Variants in MALRD1 observed in about 807,000 individuals in gnomAD.
MALRD1 encodes MAM and LDL-receptor class A domain-containing protein 1.
A neutral mutation model predicts 242.1 loss-of-function variants in MALRD1; 247 were observed. The observed-to-expected ratio is 1.02, with a 90% CI of 0.92 to 1.13. The LOEUF (loss-of-function observed/expected upper bound fraction) is 1.13. MALRD1 is among the 50% of genes most tolerant of loss of function. MALRD1 has a pLI of 0.00. For synonymous variants in MALRD1, 995 were observed against 866.6 expected, an observed-to-expected ratio of 1.15 and a Z score of -2.60; for missense variants, 2,989 against 2,533.1, an observed-to-expected ratio of 1.18 and a Z score of -3.86.
intron 17 of MALRD1, among the ~76,000 whole-genome samples, chr10:19,208,657 C>G (rs185765486): frequency 6.6e-6 from 1 of 152,180 alleles, no homozygotes; most frequent in African/African-American, 2.4e-5. Context: ...TGGGCTTCAC[C>G]CTATATCTAA....
chr10:19,425,027 A>G (rs1325631402), intron 28 of MALRD1, among the ~76,000 whole-genome samples: 2 of 152,210 alleles, frequency 1.3e-5, no homozygotes, highest in African/African-American at 2.4e-5. Flanking sequence ...CATGGTTGAC[A>G]TGAATTATTT....
At chr10:19,049,947 C>CA (rs1834434964) in intron 1 of MALRD1, among the ~76,000 whole-genome samples, 1 of 152,178 alleles carries the variant, frequency 6.6e-6, no homozygotes, top group Non-Finnish European at 1.5e-5. Flanking sequence ...TTCTTACACA[C>CA]ATTCACCCTT....
chr10:19,504,652 A>G (rs1838118087), intron 31 of MALRD1, among the ~76,000 whole-genome samples: 1 of 146,000 alleles, frequency 6.8e-6, no homozygotes, highest in South Asian at 2.2e-4. Flanking sequence ...TATAATGACT[A>G]TATTGTAACA....
rs560526525 is a variant in MALRD1 at position 19,371,514 on chromosome 10, A to G, written c.4442-16014A>G. On this transcript the variant is annotated intron_variant, in intron 26 of 39. Transcript: ENST00000454679. ...TTTGTTTTTTGTTTTTTTCTTTTTTACTTTTATATCTAGCTGTGGGTATTA... is the reference window on the plus strand; with the variant it reads ...TTTGTTTTTTGTTTTTTTCTTTTTTGCTTTTATATCTAGCTGTGGGTATTA... Among the ~76,000 whole-genome samples, 9 of 151,450 alleles carry G rather than the reference A, an allele frequency of 5.9e-5. No individual in the cohort carries two copies. The South Asian group carries it at 1.9e-3, about 32-fold the overall frequency.
intron 8 of MALRD1, among the ~76,000 whole-genome samples, chr10:19,131,851 C>G (rs991116402): frequency 6.6e-6 from 1 of 152,130 alleles, no homozygotes; most frequent in African/African-American, 2.4e-5. Flanking sequence ...TAGAACATCA[C>G]TTGAAAAGCT....
At chr10:19,235,613 A>AGAGAGAGAGAGC (rs769851042) in intron 18 of MALRD1, among the ~76,000 whole-genome samples, 19 of 143,732 alleles carry the variant, frequency 1.3e-4, no homozygotes, top group South Asian at 2.2e-4. Flanking sequence ...AGAGAGAGAG[A>AGAGAGAGAGAGC]GCGCCTAGGT....
At chr10:19,624,087 T>C (rs1348038879) in intron 36 of MALRD1, among the ~76,000 whole-genome samples, 2 of 152,156 alleles carry the variant, frequency 1.3e-5, no homozygotes, top group African/African-American at 4.8e-5. Context: ...GTAATTCTCA[T>C]GGAGGTGAAT....
chr10:19,048,701 T>C (rs1834400437), upstream of MALRD1: 1 of 327,576 alleles, frequency 3.1e-6, no homozygotes, highest in African/African-American at 2.1e-5. Context: ...TAATCATCTA[T>C]AGTTAGCTAG....
At chr10:19,111,364 G>A (rs572987139) in intron 5 of MALRD1, among the ~76,000 whole-genome samples, 68 of 152,272 alleles carry the variant, frequency 4.5e-4, no homozygotes, top group African/African-American at 1.5e-3. Context: ...ATTTGAGGTG[G>A]TGTGGAGAAG....
At chr10:19,433,060 A>G (rs1834208341) in intron 28 of MALRD1, among the ~76,000 whole-genome samples, 1 of 152,242 alleles carries the variant, frequency 6.6e-6, no homozygotes, top group Non-Finnish European at 1.5e-5. Flanking sequence ...TACTATGTGC[A>G]GGGCACTGTG....
intron 24 of MALRD1, among the ~76,000 whole-genome samples, chr10:19,333,768 T>A (rs1325358659): frequency 6.6e-6 from 1 of 152,116 alleles, no homozygotes; most frequent in Non-Finnish European, 1.5e-5. Flanking sequence ...CCACCAGCAG[T>A]GTGTAAGCTT....
rs1366306958 is a variant in MALRD1, at chr10:19,302,978, A to C, written c.3419+19797A>C. 2.0e-5 allele frequency among the ~76,000 whole-genome samples: 3 copies of C among 151,900 alleles called. No homozygotes were observed. The East Asian group carries it at 5.8e-4, about 29-fold the overall frequency. On this transcript the variant is annotated intron_variant, in intron 21 of 39. Coordinates refer to ENST00000454679, the MANE Select transcript of MALRD1 (RefSeq NM_001142308.3). ...GGGAAGGAAATGAAAGAAGAAATGC[A>C]AAAAGTTGAAACAAAGAGTATAAAA...
At chr10:19,548,082 C>A (rs1379877033) in intron 32 of MALRD1, among the ~76,000 whole-genome samples, 1 of 145,102 alleles carries the variant, frequency 6.9e-6, no homozygotes, top group African/African-American at 2.6e-5. Context: ...ATCACTGCAA[C>A]CTCCACCTCC....
rs143681481 is a variant in MALRD1 at position 19,172,058 on chromosome 10, A to C, written c.1831-3150A>C. ...ATATGTGATATATATCATATATCACATATATGTGATATATATCATATATCA... is the reference window on the plus strand; with the variant it reads ...ATATGTGATATATATCATATATCACCTATATGTGATATATATCATATATCA... On this transcript the variant is annotated intron_variant, in intron 13 of 39. Coordinates refer to ENST00000454679, the MANE Select transcript of MALRD1 (RefSeq NM_001142308.3). 4.0e-4 allele frequency among the ~76,000 whole-genome samples: 21 copies of C among 53,018 alleles called. 1 individual carries two copies. Among genetic ancestry groups the C allele is most frequent in the East Asian group, 2.8e-3 (3 of 1,066 alleles). The allele number at this position is 53,018 out of a possible 152,430, so 34.8% of individuals were successfully genotyped here.
At chr10:19,338,011 A>C (rs1459334519) in intron 24 of MALRD1, among the ~76,000 whole-genome samples, 1 of 151,670 alleles carries the variant, frequency 6.6e-6, no homozygotes, top group African/African-American at 2.4e-5. Context: ...GTAGTGAGCC[A>C]AGATCACGCC....
chr10:19,351,327 C>T (rs910857979), intron 25 of MALRD1, among the ~76,000 whole-genome samples: 3 of 152,106 alleles, frequency 2.0e-5, no homozygotes, highest in Non-Finnish European at 4.4e-5. Flanking sequence ...GACAATCACT[C>T]AAAATCTAGT....
chr10:19,466,367 A>G (rs1292325043), intron 29 of MALRD1, among the ~76,000 whole-genome samples: 2 of 152,016 alleles, frequency 1.3e-5, no homozygotes, highest in Non-Finnish European at 2.9e-5. Flanking sequence ...TGCCTTTGTC[A>G]TTAGGCTAAA....
At chr10:19,095,118 A>G (rs1387226101) in intron 4 of MALRD1, among the ~76,000 whole-genome samples, 2 of 152,322 alleles carry the variant, frequency 1.3e-5, no homozygotes, top group South Asian at 4.1e-4. Context: ...TATATGGTAG[A>G]TTTAGCACTT....
intron 24 of MALRD1, among the ~76,000 whole-genome samples, chr10:19,332,180 T>TG (rs1843406631): frequency 6.6e-6 from 1 of 151,592 alleles, no homozygotes; most frequent in Non-Finnish European, 1.5e-5. Context: ...AAATGTTGTT[T>TG]TTTTTTTTTT....
Sources: allele counts gnomAD v4.1 joint callset (sites outside exome capture counted in the v4.1 genomes callset), GRCh38; gene constraint gnomAD v4.1.1; transcripts MANE v1.5; gene names NCBI Gene and HGNC (gene_info 2026-07-23, HGNC 2026-07-21).